RHOU: variants seen among roughly 807,000 people sequenced by gnomAD.
RHOU encodes ras homolog family member U.
In RHOU, 8 loss-of-function variants were observed where a neutral mutation model predicts 12.6. The observed-to-expected ratio is 0.64, with a 90% CI of 0.37 to 1.15. The LOEUF is 1.15. Ranked by LOEUF, RHOU falls within the 50% of genes most tolerant of loss-of-function variation. The pLI is 0.01. For synonymous variants in RHOU, 161 were observed against 147.4 expected, an observed-to-expected ratio of 1.09 and a Z score of -0.67; for missense variants, 258 against 347.0, an observed-to-expected ratio of 0.74 and a Z score of 2.04.
At chr1:228,690,251 AG>A in the RHOU span, among the ~76,000 whole-genome samples, 1 of 152,146 alleles carries the variant, frequency 6.6e-6, no homozygotes, top group Non-Finnish European at 1.5e-5. Flanking sequence ...AAGGAAGAAA[AG>A]GAAGGAAGGT....
the RHOU span, chr1:228,652,607 T>A: frequency 6.6e-6 from 1 of 152,190 alleles, no homozygotes; most frequent in African/African-American, 2.4e-5. Flanking sequence ...TCCAGAACTT[T>A]CTTTTTTAAA....
chr1:228,673,624 C>A, the RHOU span, among the ~76,000 whole-genome samples: 1 of 152,196 alleles, frequency 6.6e-6, no homozygotes, highest in Non-Finnish European at 1.5e-5. Context: ...CCTTCCCCTT[C>A]ACTCTCTTCC....
chr1:228,690,686 C>T, the RHOU span, among the ~76,000 whole-genome samples: 2 of 151,798 alleles, frequency 1.3e-5, no homozygotes, highest in South Asian at 2.1e-4. Flanking sequence ...GGCGTGATCT[C>T]GGCTCACTGA....
At position 228,743,986 on chromosome 1, in the gene RHOU, T is replaced by C; in HGVS notation, c.*246T>C. ...TAAACATTTTTCACATCTCTGGAAA[T>C]TTAGAGTTCTAGACCTCTGGTTAAT... is the stretch of plus-strand genomic sequence containing the variant. On this transcript the variant is annotated 3_prime_UTR_variant, in exon 3 of 3. Transcript: ENST00000366691. The surrounding 1 kb of genome is among the most constrained non-coding windows in gnomAD (Gnocchi z 5.1). 1 of 425,390 alleles carries C rather than the reference T, an allele frequency of 2.4e-6. No homozygotes were observed. Among genetic ancestry groups the C allele is most frequent in the Non-Finnish European group, 4.2e-6 (1 of 239,134 alleles). 26.4% of individuals were successfully genotyped at this position (425,390 alleles called of 1,614,324 possible). A position where few individuals can be genotyped will look rare whatever the true frequency, so the allele number is the denominator to read the frequency against.
the RHOU span, among the ~76,000 whole-genome samples, chr1:228,683,844 C>T: frequency 6.6e-6 from 1 of 152,190 alleles, no homozygotes. Flanking sequence ...TTGAAAAGAT[C>T]CCCGTGTCTG....
At chr1:228,728,349 C>A in the RHOU span, among the ~76,000 whole-genome samples, 2 of 152,110 alleles carry the variant, frequency 1.3e-5, no homozygotes, top group African/African-American at 4.8e-5. Flanking sequence ...ATATAAATTG[C>A]CATTTATCTC....
chr1:228,743,368 C>A lies in RHOU; in HGVS notation c.405C>A (p.Ser135=). The change falls in exon 3 of 3, where the codon TCC becomes TCA. Residue 135 remains serine (S), a synonymous_variant. Coordinates refer to ENST00000366691, the MANE Select transcript of RHOU (RefSeq NM_021205.6). This position sits in a 1 kb window ranked among gnomAD's most constrained non-coding sequence, Gnocchi z 5.1. ...LLCFSVVSPS[S]FQNVSEKWVP... is the part of the protein sequence containing the mutation. Reference sequence around the variant, plus strand: ...GCTTCAGTGTCGTGAGCCCCTCATCCTTCCAGAACGTCAGTGAGAAATGGG... The same window carrying A: ...GCTTCAGTGTCGTGAGCCCCTCATCATTCCAGAACGTCAGTGAGAAATGGG... 1 of 1,614,210 alleles carries A rather than the reference C, an allele frequency of 6.2e-7. No individual in the cohort carries two copies. The highest frequency in any genetic ancestry group is 8.5e-7 in the Non-Finnish European group (1 of 1,180,034).
the RHOU span, among the ~76,000 whole-genome samples, chr1:228,685,775 C>G: frequency 6.6e-6 from 1 of 152,198 alleles, no homozygotes; most frequent in East Asian, 1.9e-4. Context: ...TGAAAAACCT[C>G]TTTGTTCTCC....
At chr1:228,689,034 G>C in the RHOU span, among the ~76,000 whole-genome samples, 1 of 152,156 alleles carries the variant, frequency 6.6e-6, no homozygotes, top group Non-Finnish European at 1.5e-5. Context: ...TTTGGGAAGA[G>C]GCACCACTGA....
the RHOU span, among the ~76,000 whole-genome samples, chr1:228,673,570 T>A: frequency 0.011 from 1,736 of 152,212 alleles, 37 homozygotes; most frequent in African/African-American, 0.039. Context: ...CTTGTGATCA[T>A]GAGAGAGTTT....
At chr1:228,701,607 C>A in the RHOU span, among the ~76,000 whole-genome samples, 1 of 152,140 alleles carries the variant, frequency 6.6e-6, no homozygotes, top group South Asian at 2.1e-4. Flanking sequence ...TAATCTCAGT[C>A]AGCTTTTGAC....
the RHOU span, chr1:228,649,998 T>G: frequency 3.0e-6 from 1 of 337,282 alleles, no homozygotes; most frequent in East Asian, 9.8e-5. Flanking sequence ...CATCAGATTT[T>G]TAACCATAAT....
At chr1:228,659,905 G>A in the RHOU span, among the ~76,000 whole-genome samples, 1 of 147,018 alleles carries the variant, frequency 6.8e-6, no homozygotes, top group Non-Finnish European at 1.5e-5. Context: ...GATCACTTGA[G>A]CTCAGGAGTT....
At chr1:228,679,836 A>T in the RHOU span, among the ~76,000 whole-genome samples, 2 of 151,956 alleles carry the variant, frequency 1.3e-5, no homozygotes, top group East Asian at 3.9e-4. Context: ...CAAGGAGAGG[A>T]TGTGAAGGAG....
At chr1:228,730,455 G>C in the RHOU span, among the ~76,000 whole-genome samples, 3 of 152,158 alleles carry the variant, frequency 2.0e-5, no homozygotes, top group Admixed American at 6.5e-5. Context: ...AGGCTAGTGA[G>C]GATGTGCTGG....
At chr1:228,712,977 G>A in the RHOU span, among the ~76,000 whole-genome samples, 3 of 151,730 alleles carry the variant, frequency 2.0e-5, no homozygotes, top group African/African-American at 7.3e-5. Flanking sequence ...ATATATAAAG[G>A]TATCGATTAA....
the RHOU span, among the ~76,000 whole-genome samples, chr1:228,670,239 G>A: frequency 6.6e-6 from 1 of 152,198 alleles, no homozygotes; most frequent in East Asian, 1.9e-4. Flanking sequence ...TTAAATGTCA[G>A]TTAAAACCTG....
chr1:228,681,417 G>T, the RHOU span, among the ~76,000 whole-genome samples: 1 of 152,214 alleles, frequency 6.6e-6, no homozygotes, highest in African/African-American at 2.4e-5. Flanking sequence ...GGGGTCAGAT[G>T]GGTCAGCAGA....
chr1:228,733,888 G>A (rs919771647), upstream of RHOU, among the ~76,000 whole-genome samples: 1 of 152,202 alleles, frequency 6.6e-6, no homozygotes. Flanking sequence ...AGGTACCTGA[G>A]GCTCAAAACT....
Sources: gnomAD v4.1 joint callset for allele counts (sites outside exome capture counted in the v4.1 genomes callset) on GRCh38, gnomAD v4.1.1 for gene constraint, Gnocchi (gnomAD v3.1) non-coding constraint, MANE v1.5 for transcripts, NCBI Gene and HGNC (gene_info 2026-07-23, HGNC 2026-07-21) for gene names.